HSPA5: variants seen among roughly 807,000 people sequenced by gnomAD.
HSPA5 encodes heat shock protein family A (Hsp70) member 5.
A neutral mutation model predicts 49.5 loss-of-function variants in HSPA5; 16 were observed. The ratio of observed to expected loss-of-function variants is 0.32; its 90% CI spans 0.22 to 0.49. HSPA5 has a LOEUF of 0.49. Among genes scored for constraint, HSPA5 ranks in the 20% least tolerant of loss-of-function variants. The pLI is 0.99. For synonymous variants in HSPA5, 271 were observed against 307.2 expected (o/e 0.88, Z 1.23); for missense variants, 376 against 819.0 (o/e 0.46, Z 6.60).
chr9:125,240,335 G>A lies in HSPA5; in HGVS notation c.355-26C>T, dbSNP rs1564208021. On this transcript the variant is annotated intron_variant, in intron 2 of 7. Coordinates refer to ENST00000324460, the MANE Select transcript of HSPA5 (RefSeq NM_005347.5). This position sits in a 1 kb window ranked among gnomAD's most constrained non-coding sequence, Gnocchi z 4.4. ...CTATTTTAAAGAATTATTGTTTTCA[G>A]ACACAGATACAATGACATCTCAAAG... 3.8e-6 allele frequency: 6 copies of A among 1,582,960 alleles called. No homozygotes were observed. In the South Asian group the frequency reaches 6.9e-5, roughly 18 times the overall value.
rs1832533872 is a variant in HSPA5, at chr9:125,239,277, G to T, written c.660C>A (p.Ile220=). Residue 220 remains isoleucine, a synonymous_variant, in exon 5 of 8, where the codon ATC becomes ATA. Transcript: ENST00000324460. The surrounding 1 kb of genome is among the most constrained non-coding windows in gnomAD (Gnocchi z 5.5). ...GLDKREGEKN[I]LVFDLGGGTF... ...TTCCGCCACCCAGGTCAAACACCAGGATGTTCTTCTCCCCCTCCCTCTTAT... is the reference window on the plus strand; with the variant it reads ...TTCCGCCACCCAGGTCAAACACCAGTATGTTCTTCTCCCCCTCCCTCTTAT... 6.2e-7 allele frequency: 1 copy of T among 1,613,906 alleles called. No homozygotes were observed. The highest frequency in any genetic ancestry group is 1.3e-5 in the African/African-American group (1 of 74,904).
rs781129972 is a variant in HSPA5 at position 125,239,398 on chromosome 9, G to C, written c.605+23C>G. 6.2e-7 allele frequency: 1 copy of C among 1,613,232 alleles called. No homozygotes were observed. The highest frequency in any genetic ancestry group is 8.5e-7 in the Non-Finnish European group (1 of 1,179,348). On this transcript the variant is annotated intron_variant, in intron 4 of 7. Transcript: ENST00000324460. This position sits in a 1 kb window ranked among gnomAD's most constrained non-coding sequence, Gnocchi z 5.5. ...ATTTCCACTATTTGGCAAATATGCC[G>C]TATCCCTGAATTTCATACTTACGGC...
At chr9:125,237,715 T>G (rs1832515127) in intron 7 of HSPA5, among the ~76,000 whole-genome samples, 1 of 151,626 alleles carries the variant, frequency 6.6e-6, no homozygotes, top group African/African-American at 2.4e-5. Flanking sequence ...ATATCAACAT[T>G]ATTCAAATTA....
chr9:125,240,574 T>C lies in HSPA5; in HGVS notation c.354+102A>G, dbSNP rs1338714920. 3.1e-6 allele frequency: 3 copies of C among 960,204 alleles called. No individual in the cohort carries two copies. The highest frequency in any genetic ancestry group is 2.2e-5 in the Admixed American group (1 of 45,898). The allele number at this position is 960,204 out of a possible 1,614,324, so 59.5% of individuals were successfully genotyped here. Reference sequence around the variant, plus strand: ...AAAGTTATTACATACATCATGTCTATAACCTTCAACTGTTGTCTCAACACT... The same window carrying C: ...AAAGTTATTACATACATCATGTCTACAACCTTCAACTGTTGTCTCAACACT... On this transcript the variant is annotated intron_variant, in intron 2 of 7. Transcript: ENST00000324460. This position sits in a 1 kb window ranked among gnomAD's most constrained non-coding sequence, Gnocchi z 4.4.
At chr9:125,237,210 C>A (rs1249261338) in intron 7 of HSPA5, 56 bp from the exon 8 acceptor site, 1 of 1,257,624 alleles carries the variant, frequency 8.0e-7, no homozygotes. Context: ...ATTAGCACAT[C>A]TAGATCCCCG....
chr9:125,239,548 G>A lies in HSPA5; in HGVS notation c.493-15C>T. ...GCATGGGTAACCTAAAAGGATAAAA[G>A]ATAATTAAGTGTATTGTCACATAGT... On this transcript the variant is annotated splice_polypyrimidine_tract_variant and intron_variant, in intron 3 of 7. Transcript: ENST00000324460. The surrounding 1 kb of genome is among the most constrained non-coding windows in gnomAD (Gnocchi z 5.5). The A allele has an allele frequency of 1.3e-6, 2 of 1,571,732 alleles. No homozygotes were observed. Among genetic ancestry groups the A allele is most frequent in the Non-Finnish European group, 8.8e-7 (1 of 1,141,620 alleles).
rs1166412668 is a variant in HSPA5 at position 125,239,702 on chromosome 9, A to C, written c.493-169T>G. Among the ~76,000 whole-genome samples the C allele has an allele frequency of 1.3e-5, 2 of 151,176 alleles. No individual in the cohort carries two copies. Among genetic ancestry groups the C allele is most frequent in the Non-Finnish European group, 2.9e-5 (2 of 67,924 alleles). On this transcript the variant is annotated intron_variant, in intron 3 of 7. Coordinates refer to ENST00000324460, the MANE Select transcript of HSPA5 (RefSeq NM_005347.5). The surrounding 1 kb of genome is among the most constrained non-coding windows in gnomAD (Gnocchi z 5.5). Reference sequence around the variant, plus strand: ...AAGACCAGCCTGGGCAATGTGGAGAAACCCTGTCTCTACTGAAAATTAAAA... The same window carrying C: ...AAGACCAGCCTGGGCAATGTGGAGACACCCTGTCTCTACTGAAAATTAAAA...
chr9:125,240,133 T>C lies in HSPA5; in HGVS notation c.492+39A>G, dbSNP rs371689084. The C allele has an allele frequency of 2.7e-5, 41 of 1,534,864 alleles. No individual in the cohort carries two copies. Among genetic ancestry groups the C allele is most frequent in the African/African-American group, 2.5e-4 (18 of 71,714 alleles). On this transcript the variant is annotated intron_variant, in intron 3 of 7. Transcript: ENST00000324460. The surrounding 1 kb of genome is among the most constrained non-coding windows in gnomAD (Gnocchi z 4.4). ...CATAACAGCCAACCGAGAATACTAA[T>C]GATCAAAAAATACTTAACATTGTTC...
Position 125,236,146 on chromosome 9 carries a change from A to T in HSPA5, c.*446T>A, listed in dbSNP as rs962467724. On this transcript the variant is annotated 3_prime_UTR_variant, in exon 8 of 8. Coordinates refer to ENST00000324460, the MANE Select transcript of HSPA5 (RefSeq NM_005347.5). ...AGTGTTTCCTTATCCCAACATACCAAATACTCCCTCCCCTCACCCCACACA... is the reference window on the plus strand; with the variant it reads ...AGTGTTTCCTTATCCCAACATACCATATACTCCCTCCCCTCACCCCACACA... 2 of 155,086 alleles carry T rather than the reference A, an allele frequency of 1.3e-5. No homozygotes were observed. The highest frequency in any genetic ancestry group is 4.8e-5 in the African/African-American group (2 of 41,486). The allele number at this position is 155,086 out of a possible 1,614,324, so 9.6% of individuals were successfully genotyped here.
rs1242803017 is a variant in HSPA5 at position 125,239,878 on chromosome 9, A to C, written c.492+294T>G. 6.6e-6 allele frequency among the ~76,000 whole-genome samples: 1 copy of C among 151,254 alleles called. No individual in the cohort carries two copies. Among genetic ancestry groups the C allele is most frequent in the Non-Finnish European group, 1.5e-5 (1 of 67,832 alleles). ...AGTCCAGCCTGGGCAACAGAGCAAG[A>C]CTCCATCTCAAAAAAAAAAAATTAC... On this transcript the variant is annotated intron_variant, in intron 3 of 7. Coordinates refer to ENST00000324460, the MANE Select transcript of HSPA5 (RefSeq NM_005347.5). This position sits in a 1 kb window ranked among gnomAD's most constrained non-coding sequence, Gnocchi z 5.5.
chr9:125,235,174 A>G lies in HSPA5; in HGVS notation c.*1418T>C, dbSNP rs1270494251. 6.6e-6 allele frequency: 1 copy of G among 151,528 alleles called. No homozygotes were observed. The highest frequency in any genetic ancestry group is 1.5e-5 in the Non-Finnish European group (1 of 67,990). The allele number at this position is 151,528 out of a possible 1,614,324, so 9.4% of individuals were successfully genotyped here. ...GAATTAACCTTTCAGCCAGTTGCCC[A>G]TCTATAAAATACCTATCCTTGGGCA... On this transcript the variant is annotated 3_prime_UTR_variant, in exon 8 of 8. Transcript: ENST00000324460.
In HSPA5 at chr9:125,236,884, C is replaced by T. The variant is rs771497933; in HGVS notation, c.1673G>A (p.Arg558His). ...FAEEDKKLKE[R>H]IDTRNELESY... ...TTCCAACTCATTTCTAGTATCAATG[C>T]GCTCCTTGAGCTTTTTGTCTTCCTC... Residue 558 changes from arginine (R) to histidine (H), a missense_variant, in exon 8 of 8, where the codon CGC becomes CAC. By Grantham distance (29) the Arg-to-His change is conservative. Around this residue, in one of 8 missense-constraint regions of HSPA5, gnomAD observed 71 missense variants for 169.9 expected, o/e 0.42. Transcript: ENST00000324460. The T allele has an allele frequency of 5.6e-6, 9 of 1,613,840 alleles. No individual in the cohort carries two copies. The highest frequency in any genetic ancestry group is 4.0e-5 in the African/African-American group (3 of 74,912).
chr9:125,238,493 C>A (rs111249406), intron 6 of HSPA5, 97 bp downstream of exon 6: 43 of 1,106,832 alleles, frequency 3.9e-5, no homozygotes, highest in Middle Eastern at 5.4e-4. Flanking sequence ...GCTGTGTGAC[C>A]TTGTTGCTCA....
At chr9:125,238,511 G>C (rs1003480777) in intron 6 of HSPA5, 79 bp downstream of exon 6, 4 of 1,233,214 alleles carry the variant, frequency 3.2e-6, no homozygotes, top group Non-Finnish European at 4.7e-6. Flanking sequence ...TCATATTCTG[G>C]TATTTTCTAA....
chr9:125,240,921 C>G lies in HSPA5; in HGVS notation c.123-14G>C. On this transcript the variant is annotated splice_polypyrimidine_tract_variant and intron_variant, in intron 1 of 7. Transcript: ENST00000324460. The surrounding 1 kb of genome is among the most constrained non-coding windows in gnomAD (Gnocchi z 4.4). ...AACACGCCGACGCTGGCAGAAAAACCCGACAGAGGGACATCAGCACCGCAC... is the reference window on the plus strand; with the variant it reads ...AACACGCCGACGCTGGCAGAAAAACGCGACAGAGGGACATCAGCACCGCAC... 2 of 1,613,642 alleles carry G rather than the reference C, an allele frequency of 1.2e-6. No individual in the cohort carries two copies. The highest frequency in any genetic ancestry group is 1.7e-6 in the Non-Finnish European group (2 of 1,179,538).
Position 125,241,079 on chromosome 9 carries a change from C to G in HSPA5, c.48G>C (p.Ala16=). The G allele has an allele frequency of 1.9e-6, 3 of 1,613,668 alleles. No individual in the cohort carries two copies. The highest frequency in any genetic ancestry group is 2.2e-5 in the South Asian group (2 of 91,072). ...VAAMLLLLSA[A]RAEEEDKKED... ...CCTTCTTGTCCTCCTCCTCGGCCCG[C>G]GCCGCGCTGAGCAGCAGCAGCATCG... Residue 16 remains alanine (A), a synonymous_variant, in exon 1 of 8, where the codon GCG becomes GCC. Transcript: ENST00000324460.
chr9:125,240,715 G>A lies in HSPA5; in HGVS notation c.315C>T (p.Asp105=). The change falls in exon 2 of 8, where the codon GAC becomes GAT. Residue 105 remains aspartate, a synonymous_variant. Coordinates refer to ENST00000324460, the MANE Select transcript of HSPA5 (RefSeq NM_005347.5). This position sits in a 1 kb window ranked among gnomAD's most constrained non-coding sequence, Gnocchi z 4.4. ...ACTTGATGTCCTGCTGCACAGACGG[G>A]TCATTCCACGTGCGGCCGATGAGCC... ...AKRLIGRTWN[D]PSVQQDIKFL... 1 of 1,614,158 alleles carries A rather than the reference G, an allele frequency of 6.2e-7. No homozygotes were observed. Among genetic ancestry groups the A allele is most frequent in the Non-Finnish European group, 8.5e-7 (1 of 1,180,012 alleles).
chr9:125,239,796 G>A lies in HSPA5; in HGVS notation c.493-263C>T, dbSNP rs186146954. Among the ~76,000 whole-genome samples, 101 of 151,936 alleles carry A rather than the reference G, an allele frequency of 6.6e-4. No individual in the cohort carries two copies. The highest frequency in any genetic ancestry group is 2.2e-3 in the African/African-American group (92 of 41,442). ...CCAGTTACTTGGGAGGCTGAGGCAG[G>A]AGAGCTGCTTGAACCCGGGAGGCAG... On this transcript the variant is annotated intron_variant, in intron 3 of 7. Transcript: ENST00000324460. The surrounding 1 kb of genome is among the most constrained non-coding windows in gnomAD (Gnocchi z 5.5).
intron 6 of HSPA5, 94 bp from the exon 7 acceptor site, chr9:125,238,402 ACAT>A: frequency 8.4e-7 from 1 of 1,184,538 alleles, no homozygotes; most frequent in Non-Finnish European, 1.2e-6. Context: ...TCTAACACAC[ACAT>A]TTTAAAGGCA....
Sources: gnomAD v4.1 joint callset for allele counts (sites outside exome capture counted in the v4.1 genomes callset) on GRCh38, gnomAD v4.1.1 for gene constraint, gnomAD v4.1.1 regional missense constraint, Gnocchi (gnomAD v3.1) non-coding constraint, MANE v1.5 for transcripts, NCBI Gene and HGNC (gene_info 2026-07-23, HGNC 2026-07-21) for gene names.